Variants in FSTL4 observed in about 807,000 individuals in gnomAD.
FSTL4 encodes follistatin-related protein 4.
A neutral mutation model predicts 78.2 loss-of-function variants in FSTL4; 28 were observed. The observed-to-expected ratio is 0.36, with a 90% confidence interval of 0.27 to 0.49. The LOEUF (loss-of-function observed/expected upper bound fraction) is 0.49. FSTL4 is among the 20% of genes least tolerant of loss of function. The pLI is 0.98. For missense variants in FSTL4, 922 were observed against 1,084.9 expected, an observed-to-expected ratio of 0.85 and a Z score of 2.11; for synonymous variants, 422 against 440.5, an observed-to-expected ratio of 0.96 and a Z score of 0.53.
At chr5:133,753,487 T>C in the FSTL4 span, among the ~76,000 whole-genome samples, 3 of 152,142 alleles carry the variant, frequency 2.0e-5, no homozygotes, top group East Asian at 1.9e-4. Context: ...CCCCATCAAA[T>C]TGGCCACTCG....
intron 3 of FSTL4, among the ~76,000 whole-genome samples, chr5:133,417,022 T>C (rs898446882): frequency 1.3e-5 from 2 of 152,190 alleles, no homozygotes; most frequent in Non-Finnish European, 2.9e-5. Context: ...CATCCAAAAT[T>C]GCGTACACAG....
chr5:133,337,098 C>T (rs1293340230), intron 4 of FSTL4, among the ~76,000 whole-genome samples: 2 of 152,244 alleles, frequency 1.3e-5, no homozygotes, highest in African/African-American at 2.4e-5. Flanking sequence ...TGCAGGCCCA[C>T]AGTGCTCGAT....
At chr5:133,235,556 G>A (rs1211258672) in intron 7 of FSTL4, among the ~76,000 whole-genome samples, 1 of 151,408 alleles carries the variant, frequency 6.6e-6, no homozygotes, top group African/African-American at 2.4e-5. Context: ...AAGGGGTGCC[G>A]GCCCAGAGTG....
At chr5:133,464,614 T>C (rs1425589885) in intron 3 of FSTL4, among the ~76,000 whole-genome samples, 1 of 152,110 alleles carries the variant, frequency 6.6e-6, no homozygotes, top group Non-Finnish European at 1.5e-5. Flanking sequence ...TACTCCTACC[T>C]TCCCCCCATG....
In FSTL4 at chr5:133,314,674, C is replaced by G. The variant is rs551062951; in HGVS notation, c.603+1785G>C. 1.4e-3 allele frequency among the ~76,000 whole-genome samples: 215 copies of G among 152,046 alleles called. 1 individual carries two copies. The highest frequency in any genetic ancestry group is 2.8e-3 in the Admixed American group (43 of 15,264). ...TGCCAGGGTTTCATCTCAGTTCCAT[C>G]ATGTCCCAGGCAGTGAACAACTCAG... is the stretch of plus-strand genomic sequence containing the variant. On this transcript the variant is annotated intron_variant, in intron 5 of 15. Coordinates refer to ENST00000265342, the MANE Select transcript of FSTL4 (RefSeq NM_015082.2).
chr5:133,696,540 G>C, the FSTL4 span, among the ~76,000 whole-genome samples: 4 of 152,230 alleles, frequency 2.6e-5, no homozygotes, highest in African/African-American at 4.8e-5. Context: ...TTAATGAGTC[G>C]TGTCTCTCTC....
chr5:133,380,259 C>CAA (rs59233042), intron 4 of FSTL4, among the ~76,000 whole-genome samples: 5 of 144,694 alleles, frequency 3.5e-5, no homozygotes, highest in African/African-American at 1.3e-4. Context: ...TTGGTTCTTT[C>CAA]AAAAAAAAAA....
intron 6 of FSTL4, among the ~76,000 whole-genome samples, chr5:133,311,185 G>A (rs1006096739): frequency 6.6e-5 from 10 of 152,168 alleles, no homozygotes; most frequent in African/African-American, 2.4e-4. Flanking sequence ...AACCAGGTGT[G>A]GGGAGTTGTG....
chr5:133,621,293 G>A, the FSTL4 span, among the ~76,000 whole-genome samples: 38 of 152,270 alleles, frequency 2.5e-4, no homozygotes, highest in Non-Finnish European at 4.0e-4. Context: ...CCAGCTACTC[G>A]GGAGGCTGAG....
the FSTL4 span, among the ~76,000 whole-genome samples, chr5:133,751,607 C>T: frequency 3.3e-4 from 51 of 152,262 alleles, no homozygotes; most frequent in Admixed American, 2.9e-3. Flanking sequence ...GATGCTCCCA[C>T]GATCGGTGGG....
At chr5:133,470,498 AT>A (rs1436433622) in intron 3 of FSTL4, among the ~76,000 whole-genome samples, 1 of 152,176 alleles carries the variant, frequency 6.6e-6, no homozygotes, top group Non-Finnish European at 1.5e-5. Flanking sequence ...TAATTGCAGC[AT>A]TTTGGGACGC....
chr5:133,717,092 G>A, the FSTL4 span, among the ~76,000 whole-genome samples: 1 of 152,142 alleles, frequency 6.6e-6, no homozygotes. Context: ...AAAATCTGGG[G>A]GTTTATCATC....
Position 133,394,449 on chromosome 5 carries a change from C to T in FSTL4, c.409+6289G>A, listed in dbSNP as rs548719960. Among the ~76,000 whole-genome samples the T allele has an allele frequency of 4.5e-4, 68 of 152,334 alleles. No individual in the cohort carries two copies. In the South Asian group the frequency reaches 0.011, roughly 24 times the overall value. The stretch of plus-strand genomic sequence containing the variant: ...GGCTTGGTGGGCCCTGCACTCACAG[C>T]GGCCAGCTGGCACCACTGGCCCCGG... On this transcript the variant is annotated intron_variant, in intron 4 of 15. Coordinates refer to ENST00000265342, the MANE Select transcript of FSTL4 (RefSeq NM_015082.2).
chr5:133,824,956 A>C, the FSTL4 span, among the ~76,000 whole-genome samples: 1 of 151,970 alleles, frequency 6.6e-6, no homozygotes, highest in Non-Finnish European at 1.5e-5. Flanking sequence ...GTGTGTAAAA[A>C]TAGAGAGGGC....
Position 133,426,986 on chromosome 5 carries a change from A to T in FSTL4, c.161-26000T>A, listed in dbSNP as rs75080682. Among the ~76,000 whole-genome samples, 587 of 152,248 alleles carry T rather than the reference A, an allele frequency of 3.9e-3. 15 individuals carry two copies. The East Asian group carries it at 0.068, about 18-fold the overall frequency. On this transcript the variant is annotated intron_variant, in intron 3 of 15. Transcript: ENST00000265342. This position sits in a 1 kb window ranked among gnomAD's most constrained non-coding sequence, Gnocchi z 5.0. ...CAACGGCCCAGAGGAATTTTGGTTT[A>T]TCAAACCTTGAAATACCCCAACATT...
At chr5:133,437,726 G>C (rs375884344) in intron 3 of FSTL4, among the ~76,000 whole-genome samples, 1 of 151,742 alleles carries the variant, frequency 6.6e-6, no homozygotes, top group East Asian at 1.9e-4. Flanking sequence ...CCTGACCTCA[G>C]GTGATCCACT....
the FSTL4 span, among the ~76,000 whole-genome samples, chr5:133,723,644 G>C: frequency 6.6e-6 from 1 of 152,202 alleles, no homozygotes; most frequent in Non-Finnish European, 1.5e-5. Flanking sequence ...AGGTAGGCAG[G>C]GGATTGTGGC....
At chr5:133,417,943 A>G in intron 3 of FSTL4, among the ~76,000 whole-genome samples, 1 of 135,822 alleles carries the variant, frequency 7.4e-6, no homozygotes, top group African/African-American at 2.7e-5. Context: ...TGGGTGACAG[A>G]GTAAGACTCC....
At chr5:133,769,094 C>T in the FSTL4 span, among the ~76,000 whole-genome samples, 1 of 152,248 alleles carries the variant, frequency 6.6e-6, no homozygotes. Flanking sequence ...GCGATGTTTT[C>T]TAATTCCGGA....
Sources: gnomAD v4.1 joint callset for allele counts (sites outside exome capture counted in the v4.1 genomes callset) on GRCh38, gnomAD v4.1.1 for gene constraint, Gnocchi (gnomAD v3.1) non-coding constraint, MANE v1.5 for transcripts, NCBI Gene and HGNC (gene_info 2026-07-23, HGNC 2026-07-21) for gene names.